CADM2: variants seen among roughly 807,000 people sequenced by gnomAD.
CADM2 encodes immunoglobulin superfamily member 4D.
Under a neutral mutation model 49.8 loss-of-function variants are expected in CADM2, and 12 were observed. That is an observed-to-expected ratio of 0.24 (90% CI 0.15 to 0.39). The LOEUF (loss-of-function observed/expected upper bound fraction) is 0.39. CADM2 is among the 10% of genes least tolerant of loss of function. The probability of loss-of-function intolerance (pLI) is 1.00; values close to 1 mark genes in which losing one functional copy is unlikely to be tolerated. For missense variants in CADM2, 378 were observed against 492.3 expected (o/e 0.77, Z 2.20); for synonymous variants, 214 against 175.4 (o/e 1.22, Z -1.74).
At position 85,023,667 on chromosome 3, in the gene CADM2, A is replaced by G. The variant is rs377551115; in HGVS notation, c.61+63999A>G. 3.9e-5 allele frequency among the ~76,000 whole-genome samples: 6 copies of G among 152,232 alleles called. No individual in the cohort carries two copies. In the East Asian group the frequency reaches 9.6e-4, roughly 24 times the overall value. ...ACTTATAACTTTAAACATTCAGGGT[A>G]AAAGTTGATGTGTACATTAATGTTT... On this transcript the variant is annotated intron_variant, in intron 1 of 9. Coordinates refer to ENST00000383699, the MANE Select transcript of CADM2 (RefSeq NM_001167675.2).
intron 1 of CADM2, among the ~76,000 whole-genome samples, chr3:85,052,638 G>C (rs149060039): frequency 7.2e-5 from 11 of 152,174 alleles, no homozygotes; most frequent in African/African-American, 2.6e-4. Flanking sequence ...CTAAGGAACA[G>C]AGAAGTCATT....
intron 5 of CADM2, among the ~76,000 whole-genome samples, chr3:85,904,835 TCA>T (rs1716576049): frequency 6.6e-6 from 1 of 152,202 alleles, no homozygotes; most frequent in Non-Finnish European, 1.5e-5. Flanking sequence ...CTTTTGTCTC[TCA>T]CTTCCTGCTA....
chr3:85,166,328 G>A (rs2040469829), intron 1 of CADM2, among the ~76,000 whole-genome samples: 1 of 151,714 alleles, frequency 6.6e-6, no homozygotes, highest in South Asian at 2.1e-4. Flanking sequence ...ATTAAAATAT[G>A]TATCTGAAAA....
At chr3:85,613,693 A>G (rs2063732784) in intron 1 of CADM2, among the ~76,000 whole-genome samples, 2 of 151,744 alleles carry the variant, frequency 1.3e-5, no homozygotes, top group East Asian at 1.9e-4. Context: ...ATTAGTCAGA[A>G]AATATGAAAT....
At chr3:85,741,423 AC>A (rs1273634896) in intron 2 of CADM2, among the ~76,000 whole-genome samples, 1 of 152,020 alleles carries the variant, frequency 6.6e-6, no homozygotes, top group Non-Finnish European at 1.5e-5. Context: ...TATTCCCAGC[AC>A]TTTGGAAGGC....
At chr3:86,057,696 G>A (rs1178689994) in intron 8 of CADM2, among the ~76,000 whole-genome samples, 1 of 152,094 alleles carries the variant, frequency 6.6e-6, no homozygotes, top group Non-Finnish European at 1.5e-5. Context: ...AATAATTCAA[G>A]GATAATTGAC....
chr3:85,535,891 T>A (rs1202823806), intron 1 of CADM2, among the ~76,000 whole-genome samples: 1 of 152,122 alleles, frequency 6.6e-6, no homozygotes, highest in Non-Finnish European at 1.5e-5. Flanking sequence ...CGTATGGTAA[T>A]GCTGTGTGTA....
rs551973182 is a variant in CADM2 at position 85,922,426 on chromosome 3, C to T, written c.700+9883C>T. 8.4e-4 allele frequency among the ~76,000 whole-genome samples: 126 copies of T among 150,708 alleles called. 1 individual carries two copies. The highest frequency in any genetic ancestry group is 2.9e-3 in the African/African-American group (119 of 41,032). On this transcript the variant is annotated intron_variant, in intron 6 of 9. Coordinates refer to ENST00000383699, the MANE Select transcript of CADM2 (RefSeq NM_001167675.2). Reference sequence around the variant, plus strand: ...ATACTCTAAGTCTTTTTTTTAATGACGTATTAATGTAATAATAAAAGGAGA... The same window carrying T: ...ATACTCTAAGTCTTTTTTTTAATGATGTATTAATGTAATAATAAAAGGAGA...
chr3:85,774,748 A>G lies in CADM2; in HGVS notation c.89-27299A>G, dbSNP rs143730897. On this transcript the variant is annotated intron_variant, in intron 2 of 9. Transcript: ENST00000383699. ...ATAGGTCACCTAAATTAAGTTAGACATAACATTATGGGCCACAATTATTTT... is the reference window on the plus strand; with the variant it reads ...ATAGGTCACCTAAATTAAGTTAGACGTAACATTATGGGCCACAATTATTTT... 3.8e-3 allele frequency among the ~76,000 whole-genome samples: 575 copies of G among 151,824 alleles called. 4 individuals are homozygous for G. Among genetic ancestry groups the G allele is most frequent in the Middle Eastern group, 0.014 (4 of 294 alleles).
At chr3:85,469,481 G>A (rs999126399) in intron 1 of CADM2, among the ~76,000 whole-genome samples, 1 of 152,142 alleles carries the variant, frequency 6.6e-6, no homozygotes, top group African/African-American at 2.4e-5. Flanking sequence ...TAATTCAAAT[G>A]ATAGGAGTGG....
chr3:85,189,788 A>G (rs1368403268), intron 1 of CADM2, among the ~76,000 whole-genome samples: 1 of 152,130 alleles, frequency 6.6e-6, no homozygotes. Flanking sequence ...GGTTACTACC[A>G]TCTCAGCTTA....
intron 5 of CADM2, among the ~76,000 whole-genome samples, chr3:85,909,787 G>T (rs1717314750): frequency 6.6e-6 from 1 of 152,162 alleles, no homozygotes; most frequent in African/African-American, 2.4e-5. Flanking sequence ...ACAATGTAAA[G>T]AAAATTTCTG....
At chr3:85,116,466 T>A (rs938114697) in intron 1 of CADM2, among the ~76,000 whole-genome samples, 1 of 152,090 alleles carries the variant, frequency 6.6e-6, no homozygotes, top group African/African-American at 2.4e-5. Flanking sequence ...AGTTCCTGAG[T>A]TATCAAAGGT....
At chr3:85,170,806 T>C (rs2040604816) in intron 1 of CADM2, among the ~76,000 whole-genome samples, 2 of 152,184 alleles carry the variant, frequency 1.3e-5, no homozygotes, top group South Asian at 4.1e-4. Context: ...CTTGAATAAC[T>C]TGGTTGTGAG....
At chr3:85,645,968 G>T (rs1043385205) in intron 1 of CADM2, among the ~76,000 whole-genome samples, 7 of 151,968 alleles carry the variant, frequency 4.6e-5, no homozygotes, top group African/African-American at 1.7e-4. Flanking sequence ...AACTAAATCT[G>T]CCTTCATGAG....
intron 1 of CADM2, among the ~76,000 whole-genome samples, chr3:85,451,384 T>A (rs1009714092): frequency 6.6e-6 from 1 of 152,136 alleles, no homozygotes; most frequent in African/African-American, 2.4e-5. Context: ...GGAATATATT[T>A]AAATGACCTT....
In CADM2 at chr3:85,227,531, T is replaced by C. The variant is rs554163764; in HGVS notation, c.61+267863T>C. Among the ~76,000 whole-genome samples the C allele has an allele frequency of 6.7e-4, 102 of 151,850 alleles. 1 individual carries two copies. Among genetic ancestry groups the C allele is most frequent in the Admixed American group, 2.0e-3 (30 of 15,220 alleles). On this transcript the variant is annotated intron_variant, in intron 1 of 9. Transcript: ENST00000383699. ...CTTTATTTTGAGCCTATGTATGTCTTTGCATGTGAGATGAGTCTCCTGAAT... is the reference window on the plus strand; with the variant it reads ...CTTTATTTTGAGCCTATGTATGTCTCTGCATGTGAGATGAGTCTCCTGAAT...
intron 1 of CADM2, among the ~76,000 whole-genome samples, chr3:85,482,456 G>GT (rs2039253409): frequency 6.6e-6 from 1 of 151,618 alleles, no homozygotes; most frequent in South Asian, 2.1e-4. Context: ...AAGGCCCTGA[G>GT]TTACCGAGTA....
intron 1 of CADM2, among the ~76,000 whole-genome samples, chr3:85,440,174 T>G (rs2037134166): frequency 6.6e-6 from 1 of 152,180 alleles, no homozygotes; most frequent in African/African-American, 2.4e-5. Context: ...CATACACTTG[T>G]GTCTAATTTA....
Sources: gnomAD v4.1 joint callset for allele counts (sites outside exome capture counted in the v4.1 genomes callset) on GRCh38, gnomAD v4.1.1 for gene constraint, MANE v1.5 for transcripts, NCBI Gene and HGNC (gene_info 2026-07-23, HGNC 2026-07-21) for gene names.